The following PHLDB2 variants were observed in gnomAD, a reference collection of about 807,000 sequenced individuals.
PHLDB2 encodes pleckstrin homology like domain family B member 2.
Under a neutral mutation model 123.6 loss-of-function variants are expected in PHLDB2, and 71 were observed. The ratio of observed to expected loss-of-function variants is 0.57; its 90% CI spans 0.47 to 0.70. The LOEUF (loss-of-function observed/expected upper bound fraction) is 0.70, where lower values mean the gene tolerates loss of function less well. Among genes scored for constraint, PHLDB2 ranks in the 30% least tolerant of loss-of-function variants. The pLI is 0.00. For missense variants in PHLDB2, 1,446 were observed against 1,519.5 expected (o/e 0.95, Z 0.80); for synonymous variants, 547 against 541.6 (o/e 1.01, Z -0.14).
chr3:111,756,423 T>C (rs913400929), intron 1 of PHLDB2, among the ~76,000 whole-genome samples: 1 of 152,234 alleles, frequency 6.6e-6, no homozygotes, highest in Non-Finnish European at 1.5e-5. Context: ...CTTGTCTCTT[T>C]TGATCTTTGT....
Position 111,895,247 on chromosome 3 carries a change from T to G in PHLDB2, c.1335+9835T>G, listed in dbSNP as rs139342229. The stretch of plus-strand genomic sequence containing the variant: ...CTTGAGAGCAAACCCTCTGTTCTTA[T>G]AGTAGCAGTACAAGCTATTGCCTCT... On this transcript the variant is annotated intron_variant, in intron 2 of 17. Coordinates refer to ENST00000431670, the MANE Select transcript of PHLDB2 (RefSeq NM_001134438.2). Among the ~76,000 whole-genome samples, 512 of 152,290 alleles carry G rather than the reference T, an allele frequency of 3.4e-3. 3 individuals are homozygous for G. Among genetic ancestry groups the G allele is most frequent in the African/African-American group, 0.012 (486 of 41,562 alleles).
intron 1 of PHLDB2, 185 bp downstream of exon 1, chr3:111,859,761 C>T (rs1341667344): frequency 2.0e-6 from 2 of 985,458 alleles, no homozygotes; most frequent in Non-Finnish European, 2.4e-6. Context: ...TGACTGCTCA[C>T]CGCGAGTCAG....
At chr3:111,913,054 G>A (rs185040424) in intron 2 of PHLDB2, among the ~76,000 whole-genome samples, 1 of 152,216 alleles carries the variant, frequency 6.6e-6, no homozygotes, top group East Asian at 1.9e-4. Flanking sequence ...ATGTGTGCTA[G>A]GGCCAGCCCT....
rs1553736316 is a variant in PHLDB2 at position 111,830,955 on chromosome 3, G to GAA, written c.-48-14865_-48-14864insAA. Among the ~76,000 whole-genome samples, 27 of 63,698 alleles carry GAA rather than the reference G, an allele frequency of 4.2e-4. 1 individual carries two copies. The highest frequency in any genetic ancestry group is 1.6e-3 in the African/African-American group (22 of 13,492). The allele number at this position is 63,698 out of a possible 152,430, so 41.8% of individuals were successfully genotyped here. A position where few individuals can be genotyped will look rare whatever the true frequency, so the allele number is the denominator to read the frequency against. On this transcript the variant is annotated intron_variant, in intron 1 of 17. Coordinates refer to the PHLDB2 transcript ENST00000393923. The stretch of plus-strand genomic sequence containing the variant: ...GAAAGAAAAGAAGGAAAGAAAGAAA[G>GAA]AGAAAGAAAGAAAGAAAGAAAGAAA...
chr3:111,875,052 A>G (rs2065535522), intron 1 of PHLDB2, among the ~76,000 whole-genome samples: 1 of 152,222 alleles, frequency 6.6e-6, no homozygotes, highest in Non-Finnish European at 1.5e-5. Flanking sequence ...AAAGAGTGAA[A>G]CAGATAAATT....
rs909934681 is a variant in PHLDB2 at position 111,851,182 on chromosome 3, G to A, written c.67+5247G>A. 3.7e-5 allele frequency among the ~76,000 whole-genome samples: 5 copies of A among 135,230 alleles called. No individual in the cohort carries two copies. In the South Asian group the frequency reaches 9.9e-4, roughly 27 times the overall value. The allele number at this position is 135,230 out of a possible 152,430, so 88.7% of individuals were successfully genotyped here. A position where few individuals can be genotyped will look rare whatever the true frequency, so the allele number is the denominator to read the frequency against. ...TGCACTCCAGCCTGGGTGACAGAGC[G>A]AGATTCTGTCTTAAAAAAAAAAAAA... On this transcript the variant is annotated intron_variant, in intron 2 of 17. Coordinates refer to the PHLDB2 transcript ENST00000393923.
intron 1 of PHLDB2, among the ~76,000 whole-genome samples, chr3:111,789,533 G>T (rs1381156514): frequency 6.6e-6 from 1 of 152,230 alleles, no homozygotes; most frequent in Non-Finnish European, 1.5e-5. Flanking sequence ...TATAGTGAAT[G>T]AGAGTGCAGA....
intron 4 of PHLDB2, among the ~76,000 whole-genome samples, chr3:111,919,482 G>A (rs895477149): frequency 4.0e-5 from 6 of 151,652 alleles, no homozygotes; most frequent in Admixed American, 6.6e-5. Context: ...AAACTAGTAC[G>A]TGCTTTCTGA....
At chr3:111,768,985 A>G (rs1281897553) in intron 1 of PHLDB2, among the ~76,000 whole-genome samples, 1 of 152,226 alleles carries the variant, frequency 6.6e-6, no homozygotes, top group Non-Finnish European at 1.5e-5. Context: ...TTATGGGCCA[A>G]TGAAAACAAT....
intron 1 of PHLDB2, among the ~76,000 whole-genome samples, chr3:111,812,458 T>A (rs1426701704): frequency 6.6e-6 from 1 of 152,230 alleles, no homozygotes; most frequent in African/African-American, 2.4e-5. Context: ...GATGATCCAA[T>A]GGAAGGACCA....
chr3:111,884,517 C>T lies in PHLDB2; in HGVS notation c.440C>T (p.Pro147Leu). The T allele has an allele frequency of 1.2e-6, 2 of 1,614,124 alleles. No individual in the cohort carries two copies. The highest frequency in any genetic ancestry group is 4.5e-5 in the East Asian group (2 of 44,874). Residue 147 changes from proline to leucine, a missense_variant, in exon 2 of 18, where the codon CCC (proline) becomes CTC (leucine). This residue lies in a region of PHLDB2 where 832 missense variants were observed against 831.9 expected (regional missense o/e 1.00). Transcript: ENST00000431670. ...GCCTTGAGGCTCTCAGAGAAGCCTC[C>T]CTATTCCAAATATAGCTCAAGGCAT... is the stretch of plus-strand genomic sequence containing the variant. Reference protein sequence around the residue: ...ERALRLSEKPPYSKYSSRHKS... With the variant: ...ERALRLSEKPLYSKYSSRHKS...
intron 2 of PHLDB2, among the ~76,000 whole-genome samples, chr3:111,892,140 A>C (rs1261057057): frequency 1.3e-5 from 2 of 152,200 alleles, no homozygotes. Context: ...TCATGGAGTA[A>C]GTTTTTCTGA....
At chr3:111,766,700 T>C (rs2060088007) in intron 1 of PHLDB2, among the ~76,000 whole-genome samples, 1 of 152,054 alleles carries the variant, frequency 6.6e-6, no homozygotes, top group Non-Finnish European at 1.5e-5. Context: ...TACTAGGTAG[T>C]GCGGGCTGCA....
At chr3:111,945,190 C>A (rs926254593) in intron 8 of PHLDB2, 78 bp from the exon 9 acceptor site, 8 of 927,458 alleles carry the variant, frequency 8.6e-6, no homozygotes, top group African/African-American at 1.7e-5. Flanking sequence ...TGATGTTAGT[C>A]TCTAATGCAA....
chr3:111,838,824 G>A (rs993258690), intron 1 of PHLDB2, among the ~76,000 whole-genome samples: 4 of 152,064 alleles, frequency 2.6e-5, no homozygotes, highest in African/African-American at 9.7e-5. Context: ...TTAGTGCTGA[G>A]CATATACTGA....
chr3:111,853,963 TTAGTCCGTTCTCACACTCC>T (rs2064372237), intron 2 of PHLDB2, among the ~76,000 whole-genome samples: 1 of 152,242 alleles, frequency 6.6e-6, no homozygotes, highest in South Asian at 2.1e-4. Flanking sequence ...GGCTATTGTA[TTAGTCCGTTCTCACACTCC>T]TATAAAGAAA....
rs201596196 is a variant in PHLDB2 at position 111,799,296 on chromosome 3, CA to C, written c.-48-46518del. On this transcript the variant is annotated intron_variant, in intron 1 of 17. Transcript: ENST00000393923. ...TTATAATGGGAGAGGCCCACATAGCCAAAAAAATCACTCTGAAATCTATCAT... is the reference window on the plus strand; with the variant it reads ...TTATAATGGGAGAGGCCCACATAGCCAAAAAATCACTCTGAAATCTATCAT... Among the ~76,000 whole-genome samples, 1,339 of 152,052 alleles carry C rather than the reference CA, an allele frequency of 8.8e-3. 12 individuals are homozygous for C. The highest frequency in any genetic ancestry group is 0.03 in the African/African-American group (1,247 of 41,472).
chr3:111,752,537 A>G (rs2059799806), intron 1 of PHLDB2, among the ~76,000 whole-genome samples: 1 of 151,950 alleles, frequency 6.6e-6, no homozygotes, highest in African/African-American at 2.4e-5. Context: ...TTCCAAATGC[A>G]TCTATTTTGC....
At chr3:111,795,717 G>A (rs11715999) in intron 1 of PHLDB2, among the ~76,000 whole-genome samples, 5,609 of 152,080 alleles carry the variant, frequency 0.037, 137 homozygotes, top group Admixed American at 0.079. Flanking sequence ...AAAGACCTGG[G>A]TAGGTTTTTT....
Sources: allele counts gnomAD v4.1 joint callset (sites outside exome capture counted in the v4.1 genomes callset), GRCh38; gene constraint gnomAD v4.1.1; regional missense constraint gnomAD v4.1.1; transcripts MANE v1.5; gene names NCBI Gene and HGNC (gene_info 2026-07-23, HGNC 2026-07-21).